The following FSTL4 variants were observed in gnomAD, a reference collection of about 807,000 sequenced individuals.
FSTL4 encodes the protein follistatin-related protein 4.
A neutral mutation model predicts 78.2 loss-of-function variants in FSTL4; 28 were observed. The observed-to-expected ratio is 0.36, with a 90% confidence interval of 0.27 to 0.49. The LOEUF (loss-of-function observed/expected upper bound fraction) is 0.49, where lower values mean the gene tolerates loss of function less well. Among genes scored for constraint, FSTL4 ranks in the 20% least tolerant of loss-of-function variants. The pLI is 0.98. For missense variants in FSTL4, 922 were observed against 1,084.9 expected, an observed-to-expected ratio of 0.85 and a Z score of 2.11; for synonymous variants, 422 against 440.5, an observed-to-expected ratio of 0.96 and a Z score of 0.53.
At chr5:133,798,970 A>AGGGAGGGAGGGAGGGAGGGAGGGAGGG in the FSTL4 span, among the ~76,000 whole-genome samples, 1 of 61,920 alleles carries the variant, frequency 1.6e-5, no homozygotes, top group African/African-American at 1.2e-4. Flanking sequence ...GGGAGGGAGG[A>AGGGAGGGAGGGAGGGAGGGAGGGAGGG]AGGGAGGGAG....
chr5:133,632,274 C>A, the FSTL4 span, among the ~76,000 whole-genome samples: 1 of 152,060 alleles, frequency 6.6e-6, no homozygotes, highest in Non-Finnish European at 1.5e-5. Flanking sequence ...ATATAAGGGT[C>A]TTAAATATTT....
intron 11 of FSTL4, among the ~76,000 whole-genome samples, chr5:133,222,125 TG>T (rs539090493): frequency 7.2e-5 from 11 of 152,074 alleles, no homozygotes; most frequent in Non-Finnish European, 1.5e-4. Flanking sequence ...GCTGACTCTA[TG>T]ATAAACCTCA....
chr5:133,333,039 C>A (rs1447969335), intron 4 of FSTL4, among the ~76,000 whole-genome samples: 1 of 152,176 alleles, frequency 6.6e-6, no homozygotes, highest in Non-Finnish European at 1.5e-5. Flanking sequence ...CTCTCATGCA[C>A]ACACATACAC....
At chr5:133,246,162 T>G (rs887735337) in intron 7 of FSTL4, among the ~76,000 whole-genome samples, 4 of 152,194 alleles carry the variant, frequency 2.6e-5, no homozygotes, top group African/African-American at 9.6e-5. Context: ...CAGCCGTGTT[T>G]GGGAGTCACC....
At chr5:133,278,729 C>G (rs1410801290) in intron 6 of FSTL4, among the ~76,000 whole-genome samples, 1 of 152,168 alleles carries the variant, frequency 6.6e-6, no homozygotes, top group Non-Finnish European at 1.5e-5. Flanking sequence ...AGAGAGGGTT[C>G]CAATAGGTCT....
intron 8 of FSTL4, among the ~76,000 whole-genome samples, chr5:133,228,601 A>G (rs1330572530): frequency 2.6e-5 from 4 of 152,262 alleles, no homozygotes; most frequent in East Asian, 3.8e-4. Context: ...ATGGCTAACT[A>G]TTAGGAAATC....
At chr5:133,768,870 C>A in the FSTL4 span, among the ~76,000 whole-genome samples, 1 of 152,204 alleles carries the variant, frequency 6.6e-6, no homozygotes, top group Non-Finnish European at 1.5e-5. Flanking sequence ...GCTGGGGTAC[C>A]TTGATGCTCA....
At chr5:133,841,382 C>T in the FSTL4 span, among the ~76,000 whole-genome samples, 3 of 152,314 alleles carry the variant, frequency 2.0e-5, no homozygotes, top group South Asian at 2.1e-4. Flanking sequence ...ACGGTATCAC[C>T]GCACCCAGCA....
intron 4 of FSTL4, among the ~76,000 whole-genome samples, chr5:133,344,744 T>C (rs1481177970): frequency 3.3e-5 from 5 of 152,354 alleles, no homozygotes; most frequent in African/African-American, 1.2e-4. Flanking sequence ...TTCAATGGAA[T>C]TAACTTTCTT....
the FSTL4 span, among the ~76,000 whole-genome samples, chr5:133,833,851 T>C: frequency 6.6e-6 from 1 of 152,214 alleles, no homozygotes; most frequent in African/African-American, 2.4e-5. Flanking sequence ...AGATATAATG[T>C]CCAACAATTT....
At chr5:133,669,055 T>A in the FSTL4 span, among the ~76,000 whole-genome samples, 1 of 152,264 alleles carries the variant, frequency 6.6e-6, no homozygotes, top group Non-Finnish European at 1.5e-5. Flanking sequence ...GATATTTTAA[T>A]AATTCCAGCC....
rs1303580776 is a variant in FSTL4, at chr5:133,258,845, C to T, written c.728-9269G>A. Among the ~76,000 whole-genome samples the T allele has an allele frequency of 2.0e-5, 3 of 152,156 alleles. No individual in the cohort carries two copies. The East Asian group carries it at 5.8e-4, about 29-fold the overall frequency. ...GTTAACGTATTTCCACTGAAGAAGT[C>T]ATAAGGAAATGGGAAACAGTCTTTT... On this transcript the variant is annotated intron_variant, in intron 6 of 15. Coordinates refer to ENST00000265342, the MANE Select transcript of FSTL4 (RefSeq NM_015082.2).
At chr5:133,239,352 G>A (rs111604274) in intron 7 of FSTL4, among the ~76,000 whole-genome samples, 1,847 of 152,266 alleles carry the variant, frequency 0.012, 39 homozygotes, top group African/African-American at 0.043. Flanking sequence ...GCGGGCGCAC[G>A]GCACGGGACT....
At chr5:133,599,265 G>A (rs1480541229) in intron 2 of FSTL4, among the ~76,000 whole-genome samples, 1 of 152,222 alleles carries the variant, frequency 6.6e-6, no homozygotes, top group African/African-American at 2.4e-5. Flanking sequence ...TGCAATTTGA[G>A]GTTGCCATGC....
intron 3 of FSTL4, among the ~76,000 whole-genome samples, chr5:133,455,506 T>G (rs1226242971): frequency 6.6e-6 from 1 of 152,006 alleles, no homozygotes; most frequent in Non-Finnish European, 1.5e-5. Context: ...TGTACCTCAT[T>G]GATTACATTT....
At chr5:133,527,469 G>A (rs1027996179) in intron 3 of FSTL4, among the ~76,000 whole-genome samples, 53 of 121,968 alleles carry the variant, frequency 4.3e-4, no homozygotes, top group African/African-American at 1.3e-3. Context: ...AGATGTGCAC[G>A]TGTACACACA....
the FSTL4 span, among the ~76,000 whole-genome samples, chr5:133,742,573 C>T: frequency 2.6e-5 from 4 of 151,930 alleles, no homozygotes; most frequent in East Asian, 1.9e-4. Flanking sequence ...AGTATACTGA[C>T]GTATGTGGGT....
chr5:133,746,310 A>G, the FSTL4 span, among the ~76,000 whole-genome samples: 2 of 152,186 alleles, frequency 1.3e-5, no homozygotes, highest in Admixed American at 1.3e-4. Context: ...TCTCTTTTTT[A>G]GCCTAGTGGA....
intron 4 of FSTL4, among the ~76,000 whole-genome samples, chr5:133,328,115 C>T (rs1580620630): frequency 2.0e-5 from 3 of 152,182 alleles, no homozygotes; most frequent in South Asian, 2.1e-4. Flanking sequence ...GGCCTTTTAC[C>T]CAGGGTTAAA....
Sources: allele counts gnomAD v4.1 joint callset (sites outside exome capture counted in the v4.1 genomes callset), GRCh38; gene constraint gnomAD v4.1.1; transcripts MANE v1.5; gene names NCBI Gene and HGNC (gene_info 2026-07-23, HGNC 2026-07-21).